The following PDE8A variants were observed in gnomAD, a reference collection of about 807,000 sequenced individuals.
PDE8A encodes the protein phosphodiesterase 8A.
A neutral mutation model predicts 105.0 loss-of-function variants in PDE8A; 59 were observed. The observed-to-expected ratio is 0.56, with a 90% confidence interval of 0.46 to 0.70. PDE8A has a LOEUF of 0.70. Among genes scored for constraint, PDE8A ranks in the 30% least tolerant of loss-of-function variants. PDE8A has a pLI of 0.00. For missense variants in PDE8A, 1,014 were observed against 1,045.9 expected, an observed-to-expected ratio of 0.97 and a Z score of 0.42; for synonymous variants, 355 against 371.9, an observed-to-expected ratio of 0.95 and a Z score of 0.52.
intron 9 of PDE8A, 110 bp from the exon 10 acceptor site, chr15:85,099,905 C>T (rs961279753): frequency 1.4e-5 from 11 of 787,030 alleles, no homozygotes; most frequent in Middle Eastern, 2.7e-4. Flanking sequence ...GTTCTCAGAG[C>T]GTTTTGTGTA....
chr15:85,091,901 CTT>C (rs563631633), intron 8 of PDE8A, among the ~76,000 whole-genome samples: 10 of 88,368 alleles, frequency 1.1e-4, no homozygotes, highest in Admixed American at 2.7e-4. Flanking sequence ...TTCTGCTGGA[CTT>C]TTTTTTTTTT....
chr15:84,992,333 A>G (rs748760074), intron 1 of PDE8A, among the ~76,000 whole-genome samples: 3 of 152,202 alleles, frequency 2.0e-5, no homozygotes, highest in South Asian at 2.1e-4. Flanking sequence ...GAGGATGTGG[A>G]TAAGTGGAAA....
chr15:85,105,300 G>A (rs1328856733), intron 11 of PDE8A, among the ~76,000 whole-genome samples: 5 of 152,152 alleles, frequency 3.3e-5, no homozygotes, highest in Non-Finnish European at 7.3e-5. Flanking sequence ...CATGTGCAGA[G>A]AGTCCTGTGG....
chr15:85,102,400 T>C, intron 11 of PDE8A, among the ~76,000 whole-genome samples: 1 of 152,044 alleles, frequency 6.6e-6, no homozygotes. Flanking sequence ...TTCAGGAGAA[T>C]GGCGAGGGCA....
chr15:85,051,969 C>T (rs993440867), intron 1 of PDE8A, among the ~76,000 whole-genome samples: 1 of 151,738 alleles, frequency 6.6e-6, no homozygotes, highest in African/African-American at 2.4e-5. Flanking sequence ...TATCCCCTCC[C>T]CCCTCCCCAC....
chr15:85,043,154 A>G (rs1228743442), intron 1 of PDE8A, among the ~76,000 whole-genome samples: 1 of 152,222 alleles, frequency 6.6e-6, no homozygotes, highest in Non-Finnish European at 1.5e-5. Context: ...TATTCCTGAA[A>G]TAGATTCATC....
At chr15:85,124,860 C>G (rs2082235469) in intron 19 of PDE8A, among the ~76,000 whole-genome samples, 2 of 152,178 alleles carry the variant, frequency 1.3e-5, no homozygotes, top group Admixed American at 6.5e-5. Context: ...TTTCCTCTGT[C>G]TAGTCTGGAC....
At chr15:85,100,584 C>G (rs990271806) in intron 11 of PDE8A, among the ~76,000 whole-genome samples, 2 of 152,214 alleles carry the variant, frequency 1.3e-5, no homozygotes, top group African/African-American at 4.8e-5. Flanking sequence ...AGGGAGGTAG[C>G]CAGGCCCCTC....
chr15:85,137,083 G>GTGACA (rs1405137438), intron 21 of PDE8A, among the ~76,000 whole-genome samples: 1 of 152,132 alleles, frequency 6.6e-6, no homozygotes, highest in Non-Finnish European at 1.5e-5. Context: ...CTTCAGGTGG[G>GTGACA]GCACAGGAGT....
chr15:85,004,847 CT>C (rs35818984), intron 1 of PDE8A, among the ~76,000 whole-genome samples: 28,439 of 140,350 alleles, frequency 0.2, 3,458 homozygotes, highest in Middle Eastern at 0.34. Flanking sequence ...TTTTAATATT[CT>C]TTTTTTTTTT....
At chr15:85,135,185 G>A (rs2082389128) in intron 20 of PDE8A, among the ~76,000 whole-genome samples, 1 of 152,160 alleles carries the variant, frequency 6.6e-6, no homozygotes, top group African/African-American at 2.4e-5. Flanking sequence ...GTGATGGGGT[G>A]AGCTCTGCTG....
At chr15:84,999,137 T>TTG (rs1415626318) in intron 1 of PDE8A, among the ~76,000 whole-genome samples, 2 of 151,490 alleles carry the variant, frequency 1.3e-5, no homozygotes, top group Admixed American at 6.6e-5. Context: ...TTTTTTTTTT[T>TTG]TGAGACGGAA....
At chr15:85,099,103 G>A (rs996317347) in intron 9 of PDE8A, among the ~76,000 whole-genome samples, 14 of 152,348 alleles carry the variant, frequency 9.2e-5, no homozygotes, top group East Asian at 1.9e-4. Context: ...GGCAGTGGCC[G>A]TTGTAGTAAC....
At chr15:85,114,240 C>G (rs1303683240) in intron 14 of PDE8A, among the ~76,000 whole-genome samples, 1 of 152,184 alleles carries the variant, frequency 6.6e-6, no homozygotes, top group African/African-American at 2.4e-5. Context: ...GAGAGCTTAG[C>G]TTGGAGCAGA....
intron 5 of PDE8A, among the ~76,000 whole-genome samples, chr15:85,079,974 A>T (rs1272792084): frequency 6.6e-6 from 1 of 152,214 alleles, no homozygotes; most frequent in East Asian, 1.9e-4. Flanking sequence ...TTCCTTTAAA[A>T]GATAGGCTGT....
Position 84,982,428 on chromosome 15 carries a change from G to A in PDE8A, c.186+80G>A, listed in dbSNP as rs1596403167. 12 of 933,082 alleles carry A rather than the reference G, an allele frequency of 1.3e-5. 1 individual carries two copies. In the Admixed American group the frequency reaches 2.6e-4, roughly 20 times the overall value. The allele number at this position is 933,082 out of a possible 1,614,324, so 57.8% of individuals were successfully genotyped here. ...GCAACTTTCCCGCAGGGGCCGGGCG[G>A]GGTCCCCCCCACCCGGCCTCGGTGC... On this transcript the variant is annotated intron_variant, in intron 1 of 21. Coordinates refer to ENST00000394553, the MANE Select transcript of PDE8A (RefSeq NM_002605.3).
rs375752598 is a variant in PDE8A, at chr15:85,033,436, T to C, written c.187-30934T>C. ...CTCCACAGCTGCCTTTTGCTTTTGG[T>C]TGATGGGGGAGAGAGGCTCAAGAAT... is the stretch of plus-strand genomic sequence containing the variant. On this transcript the variant is annotated intron_variant, in intron 1 of 21. Coordinates refer to ENST00000394553, the MANE Select transcript of PDE8A (RefSeq NM_002605.3). 4.6e-5 allele frequency among the ~76,000 whole-genome samples: 7 copies of C among 152,056 alleles called. No homozygotes were observed. The East Asian group carries it at 9.6e-4, about 21-fold the overall frequency.
At chr15:85,043,095 T>TCTG (rs56173973) in intron 1 of PDE8A, among the ~76,000 whole-genome samples, 127,932 of 151,978 alleles carry the variant, frequency 0.84, 54,092 homozygotes, top group Non-Finnish European at 0.88. Flanking sequence ...GACAAGGCTC[T>TCTG]CTGTCTGAAT....
chr15:85,001,273 T>C (rs1306983024), intron 1 of PDE8A, among the ~76,000 whole-genome samples: 2 of 152,118 alleles, frequency 1.3e-5, no homozygotes, highest in African/African-American at 4.8e-5. Flanking sequence ...AAAACCTCGA[T>C]GAAGGTAGAG....
Sources: allele counts gnomAD v4.1 joint callset (sites outside exome capture counted in the v4.1 genomes callset), GRCh38; gene constraint gnomAD v4.1.1; transcripts MANE v1.5; gene names NCBI Gene and HGNC (gene_info 2026-07-23, HGNC 2026-07-21).